Variants in CHN2 observed in about 807,000 individuals in gnomAD.
CHN2 encodes the protein chimerin 2, also known as beta-chimaerin.
Under a neutral mutation model 56.3 loss-of-function variants are expected in CHN2, and 35 were observed. The ratio of observed to expected loss-of-function variants is 0.62; its 90% confidence interval spans 0.47 to 0.82. The LOEUF (loss-of-function observed/expected upper bound fraction) is 0.82. Among genes scored for constraint, CHN2 ranks in the 40% least tolerant of loss-of-function variants. The pLI, the probability that CHN2 is intolerant of heterozygous loss-of-function variation, is 0.00. For synonymous variants in CHN2, 210 were observed against 212.8 expected (o/e 0.99, Z 0.12); for missense variants, 491 against 580.5 (o/e 0.85, Z 1.58).
chr7:29,152,812 A>G (rs1435340759), intron 2 of CHN2, among the ~76,000 whole-genome samples: 1 of 152,234 alleles, frequency 6.6e-6, no homozygotes, highest in Non-Finnish European at 1.5e-5. Flanking sequence ...ACAGGCAAGC[A>G]AAACAAAATA....
At chr7:29,504,682 C>CTTTTT in intron 9 of CHN2, 62 bp from the exon 10 acceptor site, 8 of 880,274 alleles carry the variant, frequency 9.1e-6, no homozygotes, top group South Asian at 6.5e-5. Flanking sequence ...TGAAATTAGT[C>CTTTTT]TTTTTTTTTT....
At chr7:29,153,959 TATTA>T (rs984927268) in intron 2 of CHN2, among the ~76,000 whole-genome samples, 8 of 152,146 alleles carry the variant, frequency 5.3e-5, no homozygotes, top group Admixed American at 5.2e-4. Flanking sequence ...ATACAAAATA[TATTA>T]ATTGTTATGT....
At chr7:29,461,857 TGG>T (rs1785187782) in intron 6 of CHN2, among the ~76,000 whole-genome samples, 7 of 149,380 alleles carry the variant, frequency 4.7e-5, no homozygotes, top group African/African-American at 7.7e-5. Flanking sequence ...GATGGATGGA[TGG>T]ATGGATGGAT....
intron 3 of CHN2, among the ~76,000 whole-genome samples, chr7:29,375,115 C>G (rs1267595597): frequency 6.6e-6 from 1 of 150,768 alleles, no homozygotes; most frequent in Non-Finnish European, 1.5e-5. Context: ...GTCTTGAACT[C>G]CTGACCTCAG....
intron 1 of CHN2, among the ~76,000 whole-genome samples, chr7:29,303,141 TCATTCATC>T (rs1205185546): frequency 3.9e-5 from 6 of 152,286 alleles, no homozygotes; most frequent in Non-Finnish European, 5.9e-5. Context: ...CTGTCCCCAG[TCATTCATC>T]CCCCTAGTCA....
intron 1 of CHN2, among the ~76,000 whole-genome samples, chr7:29,231,732 A>G (rs750887983): frequency 3.7e-4 from 57 of 152,190 alleles, no homozygotes; most frequent in Non-Finnish European, 7.3e-5. Flanking sequence ...ACTTTAAATT[A>G]TTGGTTACAG....
intron 1 of CHN2, among the ~76,000 whole-genome samples, chr7:29,237,992 A>C (rs1787330237): frequency 6.9e-6 from 1 of 145,970 alleles, no homozygotes; most frequent in African/African-American, 2.6e-5. Flanking sequence ...TGTGTCACAC[A>C]CTCATACTTT....
intron 1 of CHN2, among the ~76,000 whole-genome samples, chr7:29,238,015 C>CTTTTTTTTT (rs11405147): frequency 4.0e-4 from 42 of 105,972 alleles, no homozygotes; most frequent in Non-Finnish European, 6.6e-4. Context: ...TATGTATTCT[C>CTTTTTTTTT]TTTTTTTTTT....
At chr7:29,147,882 T>C (rs1792979653) in intron 2 of CHN2, among the ~76,000 whole-genome samples, 1 of 152,200 alleles carries the variant, frequency 6.6e-6, no homozygotes, top group Non-Finnish European at 1.5e-5. Context: ...ACCTTGGGAA[T>C]TGACATGAAA....
intron 1 of CHN2, among the ~76,000 whole-genome samples, chr7:29,264,202 C>A (rs1303882146): frequency 6.8e-6 from 1 of 147,236 alleles, no homozygotes; most frequent in African/African-American, 2.5e-5. Context: ...AGTGAGGAGC[C>A]CCTCTGCCCG....
chr7:29,473,215 A>T (rs1431041712), intron 6 of CHN2, among the ~76,000 whole-genome samples: 1 of 152,206 alleles, frequency 6.6e-6, no homozygotes, highest in Non-Finnish European at 1.5e-5. Flanking sequence ...AAACATGATC[A>T]TATTTTGTGT....
intron 1 of CHN2, among the ~76,000 whole-genome samples, chr7:29,328,979 C>T (rs1001387793): frequency 3.3e-5 from 5 of 152,076 alleles, no homozygotes; most frequent in Non-Finnish European, 7.4e-5. Flanking sequence ...TCATTTGGGG[C>T]ACCATTAACT....
intron 1 of CHN2, among the ~76,000 whole-genome samples, chr7:29,296,004 GAATA>G (rs1423864409): frequency 6.6e-6 from 1 of 152,088 alleles, no homozygotes; most frequent in African/African-American, 2.4e-5. Flanking sequence ...TGTCCATGTT[GAATA>G]AATATGTGTT....
At chr7:29,509,475 C>T (rs904474269) in intron 12 of CHN2, 69 bp downstream of exon 12, 21 of 1,193,414 alleles carry the variant, frequency 1.8e-5, no homozygotes, top group East Asian at 9.5e-5. Context: ...GAAAAGTGGA[C>T]GGCATTCCTC....
At chr7:29,163,303 C>T (rs190752318) in intron 2 of CHN2, among the ~76,000 whole-genome samples, 87 of 151,946 alleles carry the variant, frequency 5.7e-4, no homozygotes, top group African/African-American at 2.0e-3. Flanking sequence ...TAAAATACTT[C>T]GCTTATAGTT....
intron 1 of CHN2, among the ~76,000 whole-genome samples, chr7:29,280,786 T>C (rs945801384): frequency 3.9e-5 from 6 of 152,066 alleles, no homozygotes; most frequent in African/African-American, 1.5e-4. Flanking sequence ...CAATGAGTGA[T>C]AGGAACACAT....
intron 2 of CHN2, among the ~76,000 whole-genome samples, chr7:29,176,617 G>T (rs1053831689): frequency 2.0e-5 from 3 of 152,106 alleles, no homozygotes; most frequent in Non-Finnish European, 4.4e-5. Context: ...AGCTTTAAAA[G>T]GGTATTTTTT....
intron 3 of CHN2, among the ~76,000 whole-genome samples, chr7:29,378,518 T>A (rs1317932567): frequency 1.3e-5 from 2 of 152,260 alleles, no homozygotes; most frequent in Non-Finnish European, 2.9e-5. Flanking sequence ...GTACTCATTC[T>A]GTTATATATT....
At chr7:29,249,336 A>C (rs538858570) in intron 1 of CHN2, among the ~76,000 whole-genome samples, 4 of 152,338 alleles carry the variant, frequency 2.6e-5, no homozygotes, top group Non-Finnish European at 4.4e-5. Context: ...GTTCAAGGAC[A>C]GGAGAGGAAG....
Sources: gnomAD v4.1 joint callset for allele counts (sites outside exome capture counted in the v4.1 genomes callset) on GRCh38, gnomAD v4.1.1 for gene constraint, MANE v1.5 for transcripts, NCBI Gene and HGNC (gene_info 2026-07-23, HGNC 2026-07-21) for gene names.